FNIP2: variants seen among roughly 807,000 people sequenced by gnomAD.
The protein encoded by FNIP2 is folliculin-interacting protein 2.
FNIP2 carries 32 observed loss-of-function variants against 108.7 expected under a neutral mutation model. That is an observed-to-expected ratio of 0.29 (90% CI 0.22 to 0.40). FNIP2 has a LOEUF of 0.40. FNIP2 is among the 10% of genes least tolerant of loss of function. The pLI, the probability that FNIP2 is intolerant of heterozygous loss-of-function variation, is 1.00. For synonymous variants in FNIP2, 480 were observed against 496.7 expected (o/e 0.97, Z 0.45); for missense variants, 1,202 against 1,381.6 (o/e 0.87, Z 2.06).
chr4:158,832,387 C>G (rs543544362), intron 5 of FNIP2, among the ~76,000 whole-genome samples: 1 of 152,218 alleles, frequency 6.6e-6, no homozygotes, highest in Admixed American at 6.5e-5. Flanking sequence ...TACCCAGTCA[C>G]CAATTTTTAA....
At chr4:158,819,540 A>G (rs558665633) in intron 1 of FNIP2, among the ~76,000 whole-genome samples, 5 of 152,378 alleles carry the variant, frequency 3.3e-5, no homozygotes, top group East Asian at 1.9e-4. Context: ...GCTCCAGGCA[A>G]TTCACACAGC....
intron 7 of FNIP2, among the ~76,000 whole-genome samples, chr4:158,841,902 A>G (rs1278046318): frequency 6.6e-6 from 1 of 152,248 alleles, no homozygotes; most frequent in Non-Finnish European, 1.5e-5. Flanking sequence ...GTATGGGGCA[A>G]AGATCACTGG....
chr4:158,843,723 A>C (rs912884242), intron 7 of FNIP2, among the ~76,000 whole-genome samples: 12 of 152,282 alleles, frequency 7.9e-5, no homozygotes, highest in Non-Finnish European at 1.8e-4. Flanking sequence ...TGGGGATGGG[A>C]GAGTGGTGCA....
At chr4:158,799,525 C>T (rs1271877199) in intron 1 of FNIP2, among the ~76,000 whole-genome samples, 1 of 152,124 alleles carries the variant, frequency 6.6e-6, no homozygotes, top group African/African-American at 2.4e-5. Flanking sequence ...AACAGAGTGT[C>T]CTGATCACAT....
chr4:158,845,971 T>C (rs879415957), intron 7 of FNIP2, among the ~76,000 whole-genome samples: 1 of 152,260 alleles, frequency 6.6e-6, no homozygotes, highest in African/African-American at 2.4e-5. Flanking sequence ...CTTCTCTTGT[T>C]ATGTCTCTTT....
intron 14 of FNIP2, among the ~76,000 whole-genome samples, chr4:158,884,792 C>G (rs777405810): frequency 6.6e-6 from 1 of 152,060 alleles, no homozygotes; most frequent in Non-Finnish European, 1.5e-5. Flanking sequence ...GTACCTTCTT[C>G]ACAAGGCAAC....
intron 1 of FNIP2, among the ~76,000 whole-genome samples, chr4:158,802,081 CTG>C (rs1414332028): frequency 6.6e-6 from 1 of 152,224 alleles, no homozygotes; most frequent in Non-Finnish European, 1.5e-5. Flanking sequence ...ATACAAAACA[CTG>C]TACATATTCG....
Position 158,868,405 on chromosome 4 carries a change from G to C in FNIP2, c.1769G>C (p.Arg590Thr). 6.2e-7 allele frequency: 1 copy of C among 1,614,022 alleles called. No homozygotes were observed. Among genetic ancestry groups the C allele is most frequent in the Non-Finnish European group, 8.5e-7 (1 of 1,179,900 alleles). ...ATCCTACCACCAACAGCAGCAGAGA[G>C]ACACAACCCCTGGCCGACAGGGTTT... ...PPILPPTAAE[R>T]HNPWPTGFPE... is the part of the protein sequence containing the mutation. The change falls in exon 13 of 17, where the codon AGA (arginine) becomes ACA (threonine). Residue 590 changes from arginine to threonine, a missense_variant. Transcript: ENST00000264433. This position sits in a 1 kb window ranked among gnomAD's most constrained non-coding sequence, Gnocchi z 4.6.
At chr4:158,799,437 G>T (rs1776690856) in intron 1 of FNIP2, among the ~76,000 whole-genome samples, 1 of 152,180 alleles carries the variant, frequency 6.6e-6, no homozygotes, top group African/African-American at 2.4e-5. Flanking sequence ...TTTCTGTGAT[G>T]AAGTAGGTAG....
chr4:158,822,253 C>T (rs1405330796), intron 1 of FNIP2, among the ~76,000 whole-genome samples: 1 of 147,250 alleles, frequency 6.8e-6, no homozygotes, highest in Non-Finnish European at 1.5e-5. Flanking sequence ...TCTCAGCTCA[C>T]AGCAGCCTCG....
intron 14 of FNIP2, chr4:158,871,360 A>G: frequency 1.0e-6 from 1 of 984,844 alleles, no homozygotes; most frequent in South Asian, 4.7e-5. Flanking sequence ...CATCGCATTA[A>G]GAAAATCAGA....
At chr4:158,890,142 T>C in intron 14 of FNIP2, 2 of 985,114 alleles carry the variant, frequency 2.0e-6, no homozygotes, top group African/African-American at 1.7e-5. Context: ...TATCAAATTC[T>C]TTATCTCTCA....
At chr4:158,893,671 T>C in intron 15 of FNIP2, 1 of 1,580,416 alleles carries the variant, frequency 6.3e-7, no homozygotes, top group Non-Finnish European at 8.6e-7. Context: ...TTTCTCCTTC[T>C]AAAAGCAGGT....
intron 14 of FNIP2, among the ~76,000 whole-genome samples, chr4:158,873,961 TC>T (rs1781109634): frequency 6.6e-6 from 1 of 152,242 alleles, no homozygotes; most frequent in Non-Finnish European, 1.5e-5. Flanking sequence ...CTCTCCTTTT[TC>T]CTCTTGTGTC....
intron 14 of FNIP2, among the ~76,000 whole-genome samples, chr4:158,875,245 A>G (rs1781202774): frequency 6.6e-6 from 1 of 152,072 alleles, no homozygotes; most frequent in South Asian, 2.1e-4. Flanking sequence ...AAAAGCATTC[A>G]CTTTTGCTTT....
At chr4:158,823,422 C>T (rs531653440) in intron 1 of FNIP2, among the ~76,000 whole-genome samples, 22 of 152,200 alleles carry the variant, frequency 1.4e-4, no homozygotes, top group Admixed American at 9.8e-4. Context: ...CCCACTAGTG[C>T]GCCTGGCTAA....
At chr4:158,809,254 T>A (rs1777138158) in intron 1 of FNIP2, among the ~76,000 whole-genome samples, 1 of 151,990 alleles carries the variant, frequency 6.6e-6, no homozygotes, top group Admixed American at 6.6e-5. Context: ...AGGTCAGGAG[T>A]TCGAGATCAG....
intron 1 of FNIP2, among the ~76,000 whole-genome samples, chr4:158,809,038 A>G (rs1777126843): frequency 6.6e-6 from 1 of 152,144 alleles, no homozygotes; most frequent in African/African-American, 2.4e-5. Flanking sequence ...AACCTCTATA[A>G]AGGCAGATGT....
chr4:158,775,777 T>C (rs1775841107), intron 1 of FNIP2, among the ~76,000 whole-genome samples: 1 of 152,230 alleles, frequency 6.6e-6, no homozygotes, highest in South Asian at 2.1e-4. Flanking sequence ...ATTAATACTA[T>C]AATGTTGTGG....
Sources: allele counts gnomAD v4.1 joint callset (sites outside exome capture counted in the v4.1 genomes callset), GRCh38; gene constraint gnomAD v4.1.1; non-coding constraint Gnocchi (gnomAD v3.1); transcripts MANE v1.5; gene names NCBI Gene and HGNC (gene_info 2026-07-23, HGNC 2026-07-21).